The following NMNAT2 variants were observed in gnomAD, a reference collection of about 807,000 sequenced individuals.
NMNAT2 encodes nicotinamide/nicotinic acid mononucleotide adenylyltransferase 2.
Under a neutral mutation model 41.6 loss-of-function variants are expected in NMNAT2, and 11 were observed. That is an observed-to-expected ratio of 0.26 (90% CI 0.17 to 0.44). The LOEUF (loss-of-function observed/expected upper bound fraction) is 0.44. NMNAT2 is among the 20% of genes least tolerant of loss of function. The pLI, the probability that NMNAT2 is intolerant of heterozygous loss-of-function variation, is 1.00. For synonymous variants in NMNAT2, 148 were observed against 151.2 expected, an observed-to-expected ratio of 0.98 and a Z score of 0.16; for missense variants, 288 against 407.7, an observed-to-expected ratio of 0.71 and a Z score of 2.53.
intron 1 of NMNAT2, among the ~76,000 whole-genome samples, chr1:183,416,678 C>T (rs531574121): frequency 6.6e-6 from 1 of 152,150 alleles, no homozygotes; most frequent in East Asian, 1.9e-4. Flanking sequence ...CTCCTTCTAT[C>T]GTGTAGATAT....
chr1:183,308,819 T>C (rs1429061346), intron 1 of NMNAT2, among the ~76,000 whole-genome samples: 14 of 151,938 alleles, frequency 9.2e-5, no homozygotes. Flanking sequence ...GATAAGCAAA[T>C]GGCAAGCCAT....
At chr1:183,306,360 C>CTGGA (rs1661993758) in intron 1 of NMNAT2, among the ~76,000 whole-genome samples, 1 of 152,054 alleles carries the variant, frequency 6.6e-6, no homozygotes, top group African/African-American at 2.4e-5. Context: ...TGTTTTCTTC[C>CTGGA]AGAAAACATT....
intron 1 of NMNAT2, among the ~76,000 whole-genome samples, chr1:183,384,520 C>A (rs1364231673): frequency 3.3e-5 from 5 of 152,082 alleles, no homozygotes; most frequent in African/African-American, 1.2e-4. Context: ...TTTAAACAAC[C>A]AAATCTTGTG....
intron 7 of NMNAT2, chr1:183,282,723 G>C (rs1472648226): frequency 6.6e-6 from 1 of 152,178 alleles, no homozygotes; most frequent in Non-Finnish European, 1.5e-5. Context: ...GGTGTTCTGG[G>C]TCTGGAGAAC....
intron 1 of NMNAT2, among the ~76,000 whole-genome samples, chr1:183,397,024 A>C (rs1208068945): frequency 6.6e-6 from 1 of 152,234 alleles, no homozygotes; most frequent in Non-Finnish European, 1.5e-5. Context: ...CTCCAGAGTC[A>C]AAGCACATAG....
chr1:183,356,539 C>G (rs896145755), intron 1 of NMNAT2, among the ~76,000 whole-genome samples: 1 of 152,200 alleles, frequency 6.6e-6, no homozygotes, highest in Non-Finnish European at 1.5e-5. Flanking sequence ...TCCTGGATCT[C>G]AAATATTTTG....
chr1:183,290,078 C>T (rs199857187), intron 4 of NMNAT2, 50 bp downstream of exon 4: 62 of 1,459,622 alleles, frequency 4.2e-5, no homozygotes, highest in Middle Eastern at 4.1e-4. Context: ...CAGCCCCTTC[C>T]GCCCTTGCAC....
At chr1:183,325,957 C>A (rs1269949957) in intron 1 of NMNAT2, among the ~76,000 whole-genome samples, 2 of 152,154 alleles carry the variant, frequency 1.3e-5, no homozygotes, top group African/African-American at 2.4e-5. Context: ...CACGAGTTTA[C>A]AACCTGGGGA....
chr1:183,248,274 C>G lies in NMNAT2; in HGVS notation c.*4367G>C, dbSNP rs200629411. On this transcript the variant is annotated 3_prime_UTR_variant, in exon 11 of 11. Transcript: ENST00000287713. ...GTCTTATTTATTAACATAATTGAAA[C>G]ATTTTGCATAAAACTCTTGCCCATG... 6.6e-6 allele frequency: 1 copy of G among 152,594 alleles called. No homozygotes were observed. The highest frequency in any genetic ancestry group is 1.5e-5 in the Non-Finnish European group (1 of 68,024). 9.5% of individuals were successfully genotyped at this position (152,594 alleles called of 1,614,324 possible).
intron 10 of NMNAT2, among the ~76,000 whole-genome samples, chr1:183,254,834 G>C (rs1660477456): frequency 6.6e-6 from 1 of 152,146 alleles, no homozygotes; most frequent in African/African-American, 2.4e-5. Context: ...TCTGATATAT[G>C]ATTTGAAAAT....
At chr1:183,271,737 C>T (rs1479276265) in intron 8 of NMNAT2, among the ~76,000 whole-genome samples, 1 of 152,016 alleles carries the variant, frequency 6.6e-6, no homozygotes, top group Non-Finnish European at 1.5e-5. Context: ...GAAAGGAATG[C>T]TTGAATCAGA....
At chr1:183,379,047 A>AAATCT (rs1553220439) in intron 1 of NMNAT2, among the ~76,000 whole-genome samples, 1 of 139,762 alleles carries the variant, frequency 7.2e-6, no homozygotes, top group Non-Finnish European at 1.6e-5. Flanking sequence ...TGTCTCAAAA[A>AAATCT]ATATCTATAT....
chr1:183,284,870 G>A, intron 5 of NMNAT2, 80 bp from the exon 6 acceptor site: 1 of 1,181,304 alleles, frequency 8.5e-7, no homozygotes, highest in Non-Finnish European at 1.3e-6. Flanking sequence ...CCCGGCATTG[G>A]GGCCGCTGTA....
chr1:183,320,489 C>A (rs1234688042), intron 1 of NMNAT2, among the ~76,000 whole-genome samples: 1 of 152,116 alleles, frequency 6.6e-6, no homozygotes, highest in Non-Finnish European at 1.5e-5. Flanking sequence ...GCCTGTAATG[C>A]CAGCTACTCG....
At chr1:183,362,991 TGG>T (rs1216535636) in intron 1 of NMNAT2, among the ~76,000 whole-genome samples, 3 of 152,208 alleles carry the variant, frequency 2.0e-5, no homozygotes, top group Non-Finnish European at 2.9e-5. Flanking sequence ...GCCATTCTGG[TGG>T]GCGTGAAGTG....
chr1:183,309,238 GA>G (rs1662057881), intron 1 of NMNAT2, among the ~76,000 whole-genome samples: 1 of 152,158 alleles, frequency 6.6e-6, no homozygotes, highest in Admixed American at 6.5e-5. Context: ...GGCCTCAAAT[GA>G]TCTTCCCACC....
At chr1:183,400,742 C>G (rs1188858472) in intron 1 of NMNAT2, among the ~76,000 whole-genome samples, 1 of 151,996 alleles carries the variant, frequency 6.6e-6, no homozygotes, top group Non-Finnish European at 1.5e-5. Flanking sequence ...CAGAACAGAG[C>G]CCTCAGAAAT....
intron 1 of NMNAT2, among the ~76,000 whole-genome samples, chr1:183,375,391 C>T (rs1663653862): frequency 6.6e-6 from 1 of 151,952 alleles, no homozygotes; most frequent in African/African-American, 2.4e-5. Context: ...ACACCCTACT[C>T]CCCACTTACT....
chr1:183,329,802 G>C (rs1662542693), intron 1 of NMNAT2, among the ~76,000 whole-genome samples: 2 of 152,204 alleles, frequency 1.3e-5, no homozygotes, highest in South Asian at 4.1e-4. Flanking sequence ...CAAGCATCCG[G>C]TGTTAGAGAG....
Sources: gnomAD v4.1 joint callset for allele counts (sites outside exome capture counted in the v4.1 genomes callset) on GRCh38, gnomAD v4.1.1 for gene constraint, MANE v1.5 for transcripts, NCBI Gene and HGNC (gene_info 2026-07-23, HGNC 2026-07-21) for gene names.